The following NLRC5 variants were observed in gnomAD, a reference collection of about 807,000 sequenced individuals.
NLRC5 encodes NLR family CARD domain containing 5, also known as protein NLRC5.
Under a neutral mutation model 206.9 loss-of-function variants are expected in NLRC5, and 114 were observed. The ratio of observed to expected loss-of-function variants is 0.55; its 90% CI spans 0.47 to 0.64. The LOEUF (loss-of-function observed/expected upper bound fraction) is 0.64. Ranked by LOEUF, NLRC5 falls within the 30% of genes least tolerant of loss-of-function variation. The probability of loss-of-function intolerance (pLI) is 0.00; values close to 1 mark genes in which losing one functional copy is unlikely to be tolerated. For synonymous variants in NLRC5, 952 were observed against 962.8 expected (o/e 0.99, Z 0.21); for missense variants, 2,008 against 2,305.5 (o/e 0.87, Z 2.64).
chr16:57,072,140 C>A (rs977246352), intron 38 of NLRC5, among the ~76,000 whole-genome samples: 20 of 152,122 alleles, frequency 1.3e-4, no homozygotes, highest in African/African-American at 4.1e-4. Context: ...ATTTGTCAGG[C>A]TTCTCTCTCA....
chr16:57,025,103 A>G (rs762057746), intron 5 of NLRC5, among the ~76,000 whole-genome samples: 2 of 152,210 alleles, frequency 1.3e-5, no homozygotes, highest in Non-Finnish European at 2.9e-5. Flanking sequence ...CTATTGCAGA[A>G]TGGATAGAAC....
chr16:57,082,028 A>C (rs2069212646), intron 48 of NLRC5, among the ~76,000 whole-genome samples: 1 of 152,260 alleles, frequency 6.6e-6, no homozygotes. Context: ...CCTAAGGGGC[A>C]CCATTCACAT....
intron 18 of NLRC5, 54 bp from the exon 19 acceptor site, chr16:57,041,921 TGCTGCCA>T (rs1390600270): frequency 7.8e-6 from 9 of 1,147,142 alleles, no homozygotes; most frequent in Non-Finnish European, 1.1e-5. Context: ...GCAGGGACCA[TGCTGCCA>T]GCAACCCACT....
intron 1 of NLRC5, among the ~76,000 whole-genome samples, chr16:57,012,335 T>C (rs1324134603): frequency 6.6e-6 from 1 of 152,250 alleles, no homozygotes; most frequent in Admixed American, 6.5e-5. Flanking sequence ...CAAGTTTTTG[T>C]GTAGATGTAT....
intron 38 of NLRC5, among the ~76,000 whole-genome samples, chr16:57,071,811 G>A (rs2067837942): frequency 1.3e-5 from 2 of 151,734 alleles, no homozygotes; most frequent in African/African-American, 4.9e-5. Context: ...GGGTGAGTGA[G>A]GGATGACAGT....
chr16:57,013,610 G>A (rs2059724261), intron 1 of NLRC5: 1 of 1,081,560 alleles, frequency 9.2e-7, no homozygotes, highest in East Asian at 2.4e-5. Flanking sequence ...TTCAAGCAAG[G>A]TCATTAACTG....
intron 1 of NLRC5, among the ~76,000 whole-genome samples, chr16:57,015,578 C>G (rs1303697445): frequency 1.3e-5 from 2 of 148,226 alleles, no homozygotes; most frequent in Non-Finnish European, 3.0e-5. Context: ...ATAGAAAGAC[C>G]CTGTCTCTTA....
Position 57,059,542 on chromosome 16 carries a change from GC to G in NLRC5, c.3986+11del, listed in dbSNP as rs778103039. ...CTGGGAAGACACTCAGGTAATCCCT[GC>G]AGGGTGATGGGACAGGGGACAGAGA... On this transcript the variant is annotated intron_variant, in intron 30 of 48. Transcript: ENST00000688547. 6.2e-7 allele frequency: 1 copy of G among 1,606,130 alleles called. No individual in the cohort carries two copies. The highest frequency in any genetic ancestry group is 2.2e-5 in the East Asian group (1 of 44,714).
chr16:57,056,211 G>A (rs138324579), intron 27 of NLRC5, among the ~76,000 whole-genome samples: 3 of 152,218 alleles, frequency 2.0e-5, no homozygotes, highest in Non-Finnish European at 4.4e-5. Flanking sequence ...AATAGAGAGA[G>A]CAGTCCGCCA....
rs778947057 is a variant in NLRC5, at chr16:57,025,558, T to C, written c.615T>C (p.Ala205=). Residue 205 remains alanine, a synonymous_variant, in exon 6 of 49, where the codon GCT becomes GCC. Transcript: ENST00000688547. ...IMGDVKVEDG[A]DVSISDLFNT... ...GGGACGTCAAGGTGGAAGATGGTGC[T>C]GACGTGAGCATCTCGGACCTCTTCA... 17 of 1,613,802 alleles carry C rather than the reference T, an allele frequency of 1.1e-5. No homozygotes were observed. The highest frequency in any genetic ancestry group is 1.4e-5 in the Non-Finnish European group (16 of 1,179,870).
rs369077668 is a variant in NLRC5 at position 57,079,035 on chromosome 16, C to T, written c.5082-15C>T. 1.2e-4 allele frequency: 197 copies of T among 1,612,584 alleles called. No homozygotes were observed. Among genetic ancestry groups the T allele is most frequent in the Non-Finnish European group, 1.5e-4 (182 of 1,178,938 alleles). On this transcript the variant is annotated splice_polypyrimidine_tract_variant and intron_variant, in intron 43 of 48. Transcript: ENST00000688547. The stretch of plus-strand genomic sequence containing the variant: ...CAGTCCCTCAGGCTCCTCTCACCCT[C>T]TCCTCTTTCCCCAGCCTACCATTCA...
Position 57,027,170 on chromosome 16 carries a change from C to T in NLRC5, c.2075+152C>T, listed in dbSNP as rs1361605320. 17 of 913,008 alleles carry T rather than the reference C, an allele frequency of 1.9e-5. No homozygotes were observed. The African/African-American group carries it at 2.3e-4, about 13-fold the overall frequency. 56.6% of individuals were successfully genotyped at this position (913,008 alleles called of 1,614,324 possible). ...CAATGCAAGAGAGGAAGCTCCATACCTTGACAGGACCTCTGGAGTCCAAAT... is the reference window on the plus strand; with the variant it reads ...CAATGCAAGAGAGGAAGCTCCATACTTTGACAGGACCTCTGGAGTCCAAAT... On this transcript the variant is annotated intron_variant, in intron 6 of 48. Coordinates refer to ENST00000688547, the MANE Select transcript of NLRC5 (RefSeq NM_001384950.1).
Position 57,054,924 on chromosome 16 carries a change from C to G in NLRC5, c.3596+84C>G, listed in dbSNP as rs1279144962. ...TGGGTATGAGGGGGTAGGATGAAGA[C>G]AGTAGGACCCAACTAGAGGCTGGGC... On this transcript the variant is annotated intron_variant, in intron 25 of 48. Coordinates refer to ENST00000688547, the MANE Select transcript of NLRC5 (RefSeq NM_001384950.1). 4.4e-6 allele frequency: 7 copies of G among 1,577,668 alleles called. No homozygotes were observed. In the African/African-American group the frequency reaches 9.4e-5, roughly 21 times the overall value.
At chr16:57,016,661 A>G (rs2060132866) in intron 1 of NLRC5, among the ~76,000 whole-genome samples, 1 of 152,236 alleles carries the variant, frequency 6.6e-6, no homozygotes, top group South Asian at 2.1e-4. Flanking sequence ...TGCAAATCCT[A>G]ACCTTTTTGG....
At chr16:57,015,177 C>T (rs900681960) in intron 1 of NLRC5, among the ~76,000 whole-genome samples, 3 of 152,204 alleles carry the variant, frequency 2.0e-5, no homozygotes, top group Admixed American at 2.0e-4. Flanking sequence ...GATCTACCTA[C>T]CTTGGCCTCC....
At chr16:57,022,411 T>C (rs2142975122) in intron 4 of NLRC5, 96 bp downstream of exon 4, 7 of 1,056,284 alleles carry the variant, frequency 6.6e-6, no homozygotes, top group South Asian at 5.5e-5. Context: ...TGGTGGCTGG[T>C]CACAGCCATT....
chr16:57,077,661 G>C lies in NLRC5; in HGVS notation c.4920-58G>C. On this transcript the variant is annotated intron_variant, in intron 41 of 48. Coordinates refer to ENST00000688547, the MANE Select transcript of NLRC5 (RefSeq NM_001384950.1). The stretch of plus-strand genomic sequence containing the variant: ...CAGGGGTGGCAGACCCAGCAGATGT[G>C]CTGGGGTGTCGGGGAGAGGGGGCAT... 2.0e-6 allele frequency: 3 copies of C among 1,500,364 alleles called. No homozygotes were observed. In the South Asian group the frequency reaches 3.9e-5, roughly 20 times the overall value. The allele number at this position is 1,500,364 out of a possible 1,614,324, so 92.9% of individuals were successfully genotyped here. A position where few individuals can be genotyped will look rare whatever the true frequency, so the allele number is the denominator to read the frequency against.
Position 57,066,298 on chromosome 16 carries a change from C to T in NLRC5, c.4242-236C>T, listed in dbSNP as rs1439141739. On this transcript the variant is annotated intron_variant, in intron 33 of 48. Transcript: ENST00000688547. ...TCAGCCTGGGCTACAGAGCAAGACC[C>T]TGTCTCTTTAAAAAAAAAAAAAAAG... Among the ~76,000 whole-genome samples, 9 of 151,084 alleles carry T rather than the reference C, an allele frequency of 6.0e-5. 1 individual carries two copies. Among genetic ancestry groups the T allele is most frequent in the Admixed American group, 5.9e-4 (9 of 15,222 alleles).
Position 57,059,474 on chromosome 16 carries a change from T to C in NLRC5, c.3928T>C (p.Ser1310Pro). 6 of 1,609,546 alleles carry C rather than the reference T, an allele frequency of 3.7e-6. No homozygotes were observed. The highest frequency in any genetic ancestry group is 5.1e-6 in the Non-Finnish European group (6 of 1,177,962). Reference protein sequence around the residue: ...RVREASVNLGSEQSFRIHFSR... With the variant: ...RVREASVNLGPEQSFRIHFSR... ...AGGCCCTTCTCTCTGCAGCCTGGGC[T>C]CTGAGCAGAGCTTCCGGATTCACTT... Residue 1310 changes from serine (S) to proline (P), a missense_variant, in exon 30 of 49, where the codon TCT (serine) becomes CCT (proline). Ser to Pro is a moderately conservative substitution (Grantham distance 74). Transcript: ENST00000688547.
Sources: allele counts gnomAD v4.1 joint callset (sites outside exome capture counted in the v4.1 genomes callset), GRCh38; gene constraint gnomAD v4.1.1; transcripts MANE v1.5; gene names NCBI Gene and HGNC (gene_info 2026-07-23, HGNC 2026-07-21).